RGS10: variants seen among roughly 807,000 people sequenced by gnomAD.
RGS10 encodes regulator of G protein signaling 10, also known as regulator of G-protein signalling 10.
In RGS10, 11 loss-of-function variants were observed where a neutral mutation model predicts 23.5. The ratio of observed to expected loss-of-function variants is 0.47; its 90% CI spans 0.29 to 0.77. The LOEUF (loss-of-function observed/expected upper bound fraction) is 0.77. RGS10 is among the 30% of genes least tolerant of loss of function. The pLI, the probability that RGS10 is intolerant of heterozygous loss-of-function variation, is 0.08. For missense variants in RGS10, 180 were observed against 226.3 expected (o/e 0.80, Z 1.31); for synonymous variants, 77 against 83.2 (o/e 0.92, Z 0.41).
At chr10:119,525,607 A>C (rs1313445316) in intron 3 of RGS10, among the ~76,000 whole-genome samples, 1 of 152,236 alleles carries the variant, frequency 6.6e-6, no homozygotes, top group African/African-American at 2.4e-5. Flanking sequence ...ATGCTCGCCA[A>C]CTATGGGACG....
intron 4 of RGS10, among the ~76,000 whole-genome samples, chr10:119,506,014 A>T (rs935002270): frequency 2.6e-5 from 4 of 152,212 alleles, no homozygotes; most frequent in African/African-American, 4.8e-5. Flanking sequence ...AGGTGGAAGC[A>T]CCGCCGTCTC....
chr10:119,507,700 C>A (rs1844031671), intron 4 of RGS10, among the ~76,000 whole-genome samples: 2 of 150,844 alleles, frequency 1.3e-5, no homozygotes, highest in Non-Finnish European at 2.9e-5. Flanking sequence ...TTCTCCCGAC[C>A]CAGACTCCCA....
intron 3 of RGS10, among the ~76,000 whole-genome samples, chr10:119,516,774 C>T (rs1344807166): frequency 6.6e-6 from 1 of 152,202 alleles, no homozygotes; most frequent in Non-Finnish European, 1.5e-5. Context: ...AGAACTGTGT[C>T]TTCAGGACAG....
chr10:119,515,643 T>C lies in RGS10; in HGVS notation c.265A>G (p.Lys89Glu). The change falls in exon 4 of 5, where the codon AAG becomes GAG. Residue 89 changes from lysine (K) to glutamate (E), a missense_variant. Physicochemically the swap from Lys to Glu is moderately conservative, Grantham distance 56. Transcript: ENST00000369103. Reference sequence around the variant, plus strand: ...AAGGTCATGTAGATCTCCTTTGCCTTTTCCTGCATCTGGAGGAGACAGATG... The same window carrying C: ...AAGGTCATGTAGATCTCCTTTGCCTCTTCCTGCATCTGGAGGAGACAGATG... ...KMQDKTQMQEKAKEIYMTFLS... is the reference protein window; with the variant it reads ...KMQDKTQMQEEAKEIYMTFLS... 1 of 1,612,614 alleles carries C rather than the reference T, an allele frequency of 6.2e-7. No individual in the cohort carries two copies.
At chr10:119,515,295 T>G (rs1185326234) in intron 4 of RGS10, 4 of 580,318 alleles carry the variant, frequency 6.9e-6, no homozygotes, top group Non-Finnish European at 1.2e-5. Context: ...AGACCAAGAT[T>G]AAACAGGCCT....
chr10:119,530,017 G>A lies in RGS10; in HGVS notation c.50-2593C>T, dbSNP rs943178123. The stretch of plus-strand genomic sequence containing the variant: ...TAAGGCAGGCGAACTGCTTGAACCC[G>A]GGAGGCGGAGGTTGCAGTGAGCTGA... On this transcript the variant is annotated intron_variant, in intron 1 of 4. Coordinates refer to ENST00000369103, the MANE Select transcript of RGS10 (RefSeq NM_001005339.2). Among the ~76,000 whole-genome samples, 9 of 152,252 alleles carry A rather than the reference G, an allele frequency of 5.9e-5. No homozygotes were observed. In the South Asian group the frequency reaches 1.2e-3, roughly 21 times the overall value.
chr10:119,504,124 C>G (rs1843983509), intron 4 of RGS10, among the ~76,000 whole-genome samples: 1 of 152,242 alleles, frequency 6.6e-6, no homozygotes, highest in Non-Finnish European at 1.5e-5. Flanking sequence ...TGTTAAATGA[C>G]TGATACTAAA....
chr10:119,534,304 T>TAA (rs370365968), intron 1 of RGS10, among the ~76,000 whole-genome samples: 1 of 117,182 alleles, frequency 8.5e-6, no homozygotes, highest in Non-Finnish European at 1.8e-5. Context: ...AATAAATAAA[T>TAA]AAAAAAGGCC....
At chr10:119,522,271 C>T (rs1180397603) in intron 3 of RGS10, among the ~76,000 whole-genome samples, 1 of 152,182 alleles carries the variant, frequency 6.6e-6, no homozygotes, top group African/African-American at 2.4e-5. Context: ...AACACAGGTC[C>T]TATTAAAACA....
In RGS10 at chr10:119,527,596, T is replaced by G. The variant is rs560545081; in HGVS notation, c.50-172A>C. The stretch of plus-strand genomic sequence containing the variant: ...TGGACTCATTCTTGTCACACAACCC[T>G]GTAAGGCAGGCACTACTATTTCCTC... On this transcript the variant is annotated intron_variant, in intron 1 of 4. Coordinates refer to ENST00000369103, the MANE Select transcript of RGS10 (RefSeq NM_001005339.2). The surrounding 1 kb of genome is among the most constrained non-coding windows in gnomAD (Gnocchi z 4.2). 2.3e-4 allele frequency: 138 copies of G among 604,420 alleles called. No homozygotes were observed. In the African/African-American group the frequency reaches 2.5e-3, roughly 11 times the overall value. 37.4% of individuals were successfully genotyped at this position (604,420 alleles called of 1,614,324 possible).
At chr10:119,535,632 C>T (rs765151095) in intron 1 of RGS10, among the ~76,000 whole-genome samples, 53 of 152,196 alleles carry the variant, frequency 3.5e-4, no homozygotes, top group Admixed American at 6.5e-4. Flanking sequence ...AATCATCCTG[C>T]ATAGACAATT....
chr10:119,506,571 T>C (rs534557095), intron 4 of RGS10, among the ~76,000 whole-genome samples: 22 of 152,334 alleles, frequency 1.4e-4, no homozygotes, highest in Non-Finnish European at 2.4e-4. Context: ...ACGATTCAAA[T>C]TCCAGGCCCA....
chr10:119,518,982 A>G (rs754376679), intron 3 of RGS10, among the ~76,000 whole-genome samples: 2 of 152,220 alleles, frequency 1.3e-5, no homozygotes, highest in Non-Finnish European at 2.9e-5. Context: ...CTAGGATTAC[A>G]GGCGTGAGCC....
rs1844293133 is a variant in RGS10, at chr10:119,527,872, C to T, written c.50-448G>A. On this transcript the variant is annotated intron_variant, in intron 1 of 4. Coordinates refer to ENST00000369103, the MANE Select transcript of RGS10 (RefSeq NM_001005339.2). The surrounding 1 kb of genome is among the most constrained non-coding windows in gnomAD (Gnocchi z 4.2). ...CTGACTCCCACTAGTCTGAAGGCTC[C>T]TATGTGTCCTCATCTTGTATCTCCA... 6.6e-6 allele frequency among the ~76,000 whole-genome samples: 1 copy of T among 152,168 alleles called. No individual in the cohort carries two copies. The highest frequency in any genetic ancestry group is 2.4e-5 in the African/African-American group (1 of 41,426).
At position 119,517,314 on chromosome 10, in the gene RGS10, ACCCT is replaced by A. The variant is rs1351901635; in HGVS notation, c.256-1666_256-1663del. ...GTGAACACCGAAAGCCATGCTGTCCACCCTGTCTTCACTGTCAATAGGAGCAATG... is the reference window on the plus strand; with the variant it reads ...GTGAACACCGAAAGCCATGCTGTCCAGTCTTCACTGTCAATAGGAGCAATG... On this transcript the variant is annotated intron_variant, in intron 3 of 4. Coordinates refer to ENST00000369103, the MANE Select transcript of RGS10 (RefSeq NM_001005339.2). The surrounding 1 kb of genome is among the most constrained non-coding windows in gnomAD (Gnocchi z 5.0). 1.1e-5 allele frequency among the ~76,000 whole-genome samples: 1 copy of A among 95,128 alleles called. No homozygotes were observed. Among genetic ancestry groups the A allele is most frequent in the Non-Finnish European group, 3.0e-5 (1 of 33,356 alleles). 62.4% of individuals were successfully genotyped at this position (95,128 alleles called of 152,430 possible).
intron 4 of RGS10, among the ~76,000 whole-genome samples, chr10:119,514,699 C>T (rs192010087): frequency 6.7e-6 from 1 of 149,906 alleles, no homozygotes; most frequent in East Asian, 2.1e-4. Context: ...GAACCAAAAG[C>T]GAAATGGTAG....
At position 119,517,305 on chromosome 10, in the gene RGS10, ATGCTGTCCACCC is replaced by A. The variant is rs67438186; in HGVS notation, c.256-1665_256-1654del. On this transcript the variant is annotated intron_variant, in intron 3 of 4. Transcript: ENST00000369103. This position sits in a 1 kb window ranked among gnomAD's most constrained non-coding sequence, Gnocchi z 5.0. ...CCAGGTTGGGTGAACACCGAAAGCCATGCTGTCCACCCTGTCTTCACTGTCAATAGGAGCAAT... is the reference window on the plus strand; with the variant it reads ...CCAGGTTGGGTGAACACCGAAAGCCATGTCTTCACTGTCAATAGGAGCAAT... Among the ~76,000 whole-genome samples the A allele has an allele frequency of 0.22, 32,778 of 152,134 alleles. 4,356 individuals carry two copies. Among genetic ancestry groups the A allele is most frequent in the Non-Finnish European group, 0.3 (20,407 of 67,932 alleles).
chr10:119,533,187 C>T (rs943860751), intron 1 of RGS10, among the ~76,000 whole-genome samples: 12 of 151,924 alleles, frequency 7.9e-5, no homozygotes, highest in Non-Finnish European at 1.2e-4. Context: ...CAAAAATTAG[C>T]CGGGCATGGT....
At chr10:119,522,996 A>G (rs1181148126) in intron 3 of RGS10, among the ~76,000 whole-genome samples, 1 of 142,516 alleles carries the variant, frequency 7.0e-6, no homozygotes, top group African/African-American at 2.7e-5. Flanking sequence ...GCACTCCATC[A>G]TGTCTAGCTA....
Sources: gnomAD v4.1 joint callset for allele counts (sites outside exome capture counted in the v4.1 genomes callset) on GRCh38, gnomAD v4.1.1 for gene constraint, Gnocchi (gnomAD v3.1) non-coding constraint, MANE v1.5 for transcripts, NCBI Gene and HGNC (gene_info 2026-07-23, HGNC 2026-07-21) for gene names.